Variants in NUDT14 observed in about 807,000 individuals in gnomAD.
The protein encoded by NUDT14 is uridine diphosphate glucose pyrophosphatase NUDT14.
Under a neutral mutation model 17.5 loss-of-function variants are expected in NUDT14, and 22 were observed. That is an observed-to-expected ratio of 1.26 (90% CI 0.90 to 1.80). The LOEUF is 1.80. Among genes scored for constraint, NUDT14 ranks in the 40% most tolerant of loss-of-function variants. NUDT14 has a pLI of 0.00. For synonymous variants in NUDT14, 129 were observed against 125.8 expected (o/e 1.03, Z -0.17); for missense variants, 296 against 295.6 (o/e 1.00, Z -0.01).
At position 105,181,257 on chromosome 14, in the gene NUDT14, C is replaced by A. The variant is rs1889324045; in HGVS notation, c.-48G>T. On this transcript the variant is annotated 5_prime_UTR_variant, in exon 1 of 5. Transcript: ENST00000392568. This position sits in a 1 kb window ranked among gnomAD's most constrained non-coding sequence, Gnocchi z 5.0. ...GCCGCGAGCTCTGCGGGGGCCGACA[C>A]GGGGCGGCGCCCTGTCCCGACAGGA... 3 of 710,436 alleles carry A rather than the reference C, an allele frequency of 4.2e-6. No homozygotes were observed. The highest frequency in any genetic ancestry group is 3.6e-6 in the Non-Finnish European group (2 of 557,060). 44.0% of individuals were successfully genotyped at this position (710,436 alleles called of 1,614,324 possible).
At position 105,178,887 on chromosome 14, in the gene NUDT14, G is replaced by A. The variant is rs367852050; in HGVS notation, c.82-1152C>T. ...AAAGGCGTCCTGGGAGGAGAGTACCGGTTTCCAAGGGAAGGGAGGGCCGGC... is the reference window on the plus strand; with the variant it reads ...AAAGGCGTCCTGGGAGGAGAGTACCAGTTTCCAAGGGAAGGGAGGGCCGGC... On this transcript the variant is annotated intron_variant, in intron 1 of 4. Coordinates refer to ENST00000392568, the MANE Select transcript of NUDT14 (RefSeq NM_177533.5). Among the ~76,000 whole-genome samples the A allele has an allele frequency of 7.9e-4, 120 of 152,248 alleles. 2 individuals are homozygous for A. Among genetic ancestry groups the A allele is most frequent in the African/African-American group, 2.6e-3 (110 of 41,542 alleles).
chr14:105,175,336 G>A (rs1889187763), intron 4 of NUDT14, among the ~76,000 whole-genome samples: 1 of 152,236 alleles, frequency 6.6e-6, no homozygotes, highest in Non-Finnish European at 1.5e-5. Flanking sequence ...GAAAACCAAG[G>A]CCCATCCTTC....
At chr14:105,176,925 G>A (rs1889226760) in intron 3 of NUDT14, 38 bp downstream of exon 3, 1 of 1,595,220 alleles carries the variant, frequency 6.3e-7, no homozygotes, top group Non-Finnish European at 8.6e-7. Flanking sequence ...ACCTGAAGGT[G>A]ACCCTGCAGA....
Position 105,181,016 on chromosome 14 carries a change from G to T in NUDT14, c.81+113C>A, listed in dbSNP as rs1395063752. 2 of 278,024 alleles carry T rather than the reference G, an allele frequency of 7.2e-6. No individual in the cohort carries two copies. The highest frequency in any genetic ancestry group is 1.1e-5 in the Non-Finnish European group (2 of 179,574). The allele number at this position is 278,024 out of a possible 1,614,324, so 17.2% of individuals were successfully genotyped here. ...GCGGCCGCCCGGGAGATCGGCGGGA[G>T]GCGGGGGCGGGGCTCCGGGGCGGGG... On this transcript the variant is annotated intron_variant, in intron 1 of 4. Transcript: ENST00000392568. The surrounding 1 kb of genome is among the most constrained non-coding windows in gnomAD (Gnocchi z 5.0).
chr14:105,179,500 C>T (rs1166715418), intron 1 of NUDT14, among the ~76,000 whole-genome samples: 1 of 152,234 alleles, frequency 6.6e-6, no homozygotes. Flanking sequence ...GCTGTGCCGG[C>T]GGGCTGCCCG....
intron 3 of NUDT14, 73 bp from the exon 4 acceptor site, chr14:105,176,844 C>A (rs1033174114): frequency 6.4e-7 from 1 of 1,567,876 alleles, no homozygotes; most frequent in Non-Finnish European, 8.8e-7. Context: ...ACAGCCAAGC[C>A]CCCTCCCAGG....
At chr14:105,174,244 G>A (rs777905020) in intron 4 of NUDT14, among the ~76,000 whole-genome samples, 1 of 152,150 alleles carries the variant, frequency 6.6e-6, no homozygotes, top group Non-Finnish European at 1.5e-5. Context: ...GGCGTGTGTG[G>A]AGGGAGACCA....
At chr14:105,174,062 C>A (rs993940083) in intron 4 of NUDT14, among the ~76,000 whole-genome samples, 2 of 152,048 alleles carry the variant, frequency 1.3e-5, no homozygotes, top group Non-Finnish European at 2.9e-5. Context: ...CGCCCCCCCA[C>A]CCCCCGTAGC....
At chr14:105,180,598 T>C (rs1889305553) in intron 1 of NUDT14, among the ~76,000 whole-genome samples, 1 of 152,012 alleles carries the variant, frequency 6.6e-6, no homozygotes, top group Non-Finnish European at 1.5e-5. Context: ...AGGCTGAGCT[T>C]AGGCAGATGG....
At chr14:105,180,423 A>T (rs886593604) in intron 1 of NUDT14, among the ~76,000 whole-genome samples, 1 of 152,148 alleles carries the variant, frequency 6.6e-6, no homozygotes, top group African/African-American at 2.4e-5. Flanking sequence ...AGCTGTGACC[A>T]TGCCACTGCA....
In NUDT14 at chr14:105,181,152, G is replaced by T; in HGVS notation, c.58C>A (p.Pro20Thr). Residue 20 changes from proline (P) to threonine (T), a missense_variant, in exon 1 of 5, where the codon CCG becomes ACG. Transcript: ENST00000392568. This position sits in a 1 kb window ranked among gnomAD's most constrained non-coding sequence, Gnocchi z 5.0. ...GRCAASPYLR[P>T]LTLHYRQNGA... is the part of the protein sequence containing the mutation. ...ACCTGGCGGTAATGCAGCGTGAGCG[G>T]CCGCAGGTAGGGTGAGGCGGCGCAG... 8.6e-7 allele frequency: 1 copy of T among 1,158,528 alleles called. No individual in the cohort carries two copies. The highest frequency in any genetic ancestry group is 5.3e-5 in the East Asian group (1 of 18,912). 71.8% of individuals were successfully genotyped at this position (1,158,528 alleles called of 1,614,324 possible).
chr14:105,176,472 G>A, intron 4 of NUDT14, 62 bp downstream of exon 4: 2 of 1,318,930 alleles, frequency 1.5e-6, no homozygotes, highest in Non-Finnish European at 2.2e-6. Context: ...CCAGGGACGG[G>A]GCCCTCACTC....
chr14:105,176,919 G>A (rs1367349135), intron 3 of NUDT14, 44 bp downstream of exon 3: 1 of 1,595,764 alleles, frequency 6.3e-7, no homozygotes, highest in African/African-American at 1.3e-5. Context: ...ACAGGGACCT[G>A]AAGGTGACCC....
At chr14:105,176,135 G>T in intron 4 of NUDT14, 1 of 538,512 alleles carries the variant, frequency 1.9e-6, no homozygotes, top group Non-Finnish European at 2.9e-6. Context: ...TTCCCCAGGA[G>T]AGCTGGAGCC....
At chr14:105,179,233 A>G (rs1252536748) in intron 1 of NUDT14, among the ~76,000 whole-genome samples, 1 of 152,180 alleles carries the variant, frequency 6.6e-6, no homozygotes, top group African/African-American at 2.4e-5. Flanking sequence ...AGGGAGGGGC[A>G]GGGCTGGGTG....
intron 4 of NUDT14, chr14:105,175,935 C>T (rs773378840): frequency 8.0e-6 from 10 of 1,254,396 alleles, no homozygotes; most frequent in Non-Finnish European, 1.0e-5. Context: ...GTCTGTGACA[C>T]CCTCCTCCTT....
Position 105,173,326 on chromosome 14 carries a change from ACCACCCTCCAAC to A in NUDT14, c.429-77_429-66del, listed in dbSNP as rs61097979. ...GCCCCGCTGGCCCCCTGGCCCTTCT[ACCACCCTCCAAC>A]CCACCCTCTCCACTCTGCTCCCTCC... is the stretch of plus-strand genomic sequence containing the variant. On this transcript the variant is annotated intron_variant, in intron 4 of 4. Transcript: ENST00000392568. The surrounding 1 kb of genome is among the most constrained non-coding windows in gnomAD (Gnocchi z 4.7). The A allele has an allele frequency of 4.4e-3, 6,346 of 1,426,428 alleles. 255 individuals are homozygous for A. In the Admixed American group the frequency reaches 0.08, roughly 18 times the overall value. The allele number at this position is 1,426,428 out of a possible 1,614,324, so 88.4% of individuals were successfully genotyped here.
chr14:105,174,629 C>G (rs1039018783), intron 4 of NUDT14, among the ~76,000 whole-genome samples: 2 of 152,200 alleles, frequency 1.3e-5, no homozygotes, highest in Non-Finnish European at 2.9e-5. Flanking sequence ...TGGCCCATTT[C>G]CGGCGGCGGC....
rs1024174798 is a variant in NUDT14 at position 105,177,795 on chromosome 14, C to T, written c.82-60G>A. The T allele has an allele frequency of 5.0e-5, 78 of 1,552,070 alleles. No individual in the cohort carries two copies. The African/African-American group carries it at 9.0e-4, about 18-fold the overall frequency. Reference sequence around the variant, plus strand: ...GGATGGGCGGAGGTGCTCGGGGAACCGAGGAGGCCACAGACCCATTGCACC... The same window carrying T: ...GGATGGGCGGAGGTGCTCGGGGAACTGAGGAGGCCACAGACCCATTGCACC... On this transcript the variant is annotated intron_variant, in intron 1 of 4. Coordinates refer to ENST00000392568, the MANE Select transcript of NUDT14 (RefSeq NM_177533.5).
Sources: allele counts gnomAD v4.1 joint callset (sites outside exome capture counted in the v4.1 genomes callset), GRCh38; gene constraint gnomAD v4.1.1; non-coding constraint Gnocchi (gnomAD v3.1); transcripts MANE v1.5; gene names NCBI Gene and HGNC (gene_info 2026-07-23, HGNC 2026-07-21).